The following COL4A1 variants were observed in gnomAD, a reference collection of about 807,000 sequenced individuals.
COL4A1 encodes collagen alpha-1(IV) chain.
Under a neutral mutation model 216.6 loss-of-function variants are expected in COL4A1, and 40 were observed. The ratio of observed to expected loss-of-function variants is 0.18; its 90% CI spans 0.14 to 0.24. COL4A1 has a LOEUF of 0.24. Among genes scored for constraint, COL4A1 ranks in the 10% least tolerant of loss-of-function variants. COL4A1 has a pLI of 1.00. For synonymous variants in COL4A1, 839 were observed against 810.7 expected (o/e 1.03, Z -0.59); for missense variants, 1,628 against 2,196.8 (o/e 0.74, Z 5.18).
At chr13:110,229,474 A>T (rs1022260351) in intron 2 of COL4A1, among the ~76,000 whole-genome samples, 1 of 152,160 alleles carries the variant, frequency 6.6e-6, no homozygotes, top group African/African-American at 2.4e-5. Flanking sequence ...GCTGGGATGC[A>T]TTTTGTCGCC....
intron 1 of COL4A1, among the ~76,000 whole-genome samples, chr13:110,291,069 C>A (rs1884067183): frequency 6.6e-6 from 1 of 152,198 alleles, no homozygotes; most frequent in Non-Finnish European, 1.5e-5. Context: ...GAGTGTCCTG[C>A]CCGCCCCTCT....
rs73611449 is a variant in COL4A1 at position 110,191,963 on chromosome 13, G to A, written c.1536+251C>T. 0.015 allele frequency among the ~76,000 whole-genome samples: 2,268 copies of A among 152,290 alleles called. 56 individuals carry two copies. The highest frequency in any genetic ancestry group is 0.051 in the African/African-American group (2,134 of 41,544). ...ATTCAGCCACACCTGAACACAGGTCGGCAGCAGCCGAAAAAATGTTGACCA... is the reference window on the plus strand; with the variant it reads ...ATTCAGCCACACCTGAACACAGGTCAGCAGCAGCCGAAAAAATGTTGACCA... On this transcript the variant is annotated intron_variant, in intron 24 of 51. Coordinates refer to ENST00000375820, the MANE Select transcript of COL4A1 (RefSeq NM_001845.6).
At chr13:110,176,592 T>C in intron 35 of COL4A1, 34 bp downstream of exon 35, 1 of 1,603,056 alleles carries the variant, frequency 6.2e-7, no homozygotes, top group South Asian at 1.1e-5. Context: ...TCCTGAGCCC[T>C]TGCCACACTG....
intron 26 of COL4A1, 73 bp downstream of exon 26, chr13:110,186,312 G>A (rs1353075780): frequency 1.7e-5 from 27 of 1,592,572 alleles, no homozygotes; most frequent in Non-Finnish European, 2.3e-5. Flanking sequence ...CCAGGCCTCT[G>A]TGTGCACCCG....
intron 37 of COL4A1, among the ~76,000 whole-genome samples, 191 bp downstream of exon 37, chr13:110,175,027 C>T (rs147765486): frequency 7.2e-5 from 11 of 152,324 alleles, no homozygotes; most frequent in African/African-American, 1.2e-4. Flanking sequence ...TAGCCTCTCA[C>T]CAGTCTCTAG....
Position 110,152,690 on chromosome 13 carries a change from C to A in COL4A1, c.4756-184G>T, listed in dbSNP as rs552170022. On this transcript the variant is annotated intron_variant, in intron 50 of 51. Coordinates refer to ENST00000375820, the MANE Select transcript of COL4A1 (RefSeq NM_001845.6). ...GGGCTGGCCCGCAAGCCAGTGCCTGCATGGCTGGGGCCCCATGGTGCTCAG... is the reference window on the plus strand; with the variant it reads ...GGGCTGGCCCGCAAGCCAGTGCCTGAATGGCTGGGGCCCCATGGTGCTCAG... Among the ~76,000 whole-genome samples the A allele has an allele frequency of 3.5e-3, 539 of 152,380 alleles. 6 individuals are homozygous for A. The highest frequency in any genetic ancestry group is 0.013 in the African/African-American group (524 of 41,592).
intron 1 of COL4A1, among the ~76,000 whole-genome samples, chr13:110,253,669 G>A (rs561795242): frequency 5.9e-4 from 80 of 135,634 alleles, no homozygotes; most frequent in Admixed American, 5.3e-3. Context: ...AATTATATGT[G>A]TATGTATGTA....
rs542472655 is a variant in COL4A1 at position 110,173,928 on chromosome 13, C to A, written c.3477G>T (p.Pro1159=). 6.2e-7 allele frequency: 1 copy of A among 1,614,056 alleles called. No homozygotes were observed. ...QKGEPGSDGI[P]GSAGEKGEPG... ...GTTCACCCTTCTCTCCTGCTGACCC[C>A]GGGATTCCATCACTGCCTGGCTCCC... The change falls in exon 40 of 52, where the codon CCG becomes CCT. Residue 1159 remains proline, a synonymous_variant. Coordinates refer to ENST00000375820, the MANE Select transcript of COL4A1 (RefSeq NM_001845.6).
At chr13:110,214,689 G>T (rs1879984156) in intron 2 of COL4A1, among the ~76,000 whole-genome samples, 1 of 152,140 alleles carries the variant, frequency 6.6e-6, no homozygotes, top group Non-Finnish European at 1.5e-5. Context: ...CAGATTCAGG[G>T]ACTTGTACCA....
At chr13:110,163,654 G>T in intron 46 of COL4A1, 93 bp from the exon 47 acceptor site, 2 of 1,237,994 alleles carry the variant, frequency 1.6e-6, no homozygotes, top group Non-Finnish European at 2.3e-6. Context: ...TGTTCAAGGA[G>T]CCAAGCATAA....
intron 1 of COL4A1, among the ~76,000 whole-genome samples, chr13:110,262,037 C>T (rs924948922): frequency 2.0e-5 from 3 of 152,224 alleles, no homozygotes; most frequent in Non-Finnish European, 4.4e-5. Flanking sequence ...GCAGGAGGCC[C>T]ATGCTTCCAT....
intron 2 of COL4A1, among the ~76,000 whole-genome samples, chr13:110,228,237 C>CT (rs1325156253): frequency 1.7e-5 from 2 of 118,998 alleles, no homozygotes; most frequent in Admixed American, 1.6e-4. Flanking sequence ...GGTGCGGGGG[C>CT]GGGGGGGGGG....
At chr13:110,305,738 A>C (rs1884669643) in intron 1 of COL4A1, 1 of 152,238 alleles carries the variant, frequency 6.6e-6, no homozygotes, top group South Asian at 2.1e-4. Context: ...CCCAGTGGAG[A>C]AGCTGCCTCC....
rs1225198341 is a variant in COL4A1, at chr13:110,176,323, G to C, written c.3058+101C>G. The C allele has an allele frequency of 6.0e-6, 5 of 827,704 alleles. No individual in the cohort carries two copies. The Admixed American group carries it at 8.8e-5, about 15-fold the overall frequency. 51.3% of individuals were successfully genotyped at this position (827,704 alleles called of 1,614,324 possible). A position where few individuals can be genotyped will look rare whatever the true frequency, so the allele number is the denominator to read the frequency against. On this transcript the variant is annotated intron_variant, in intron 36 of 51. Coordinates refer to ENST00000375820, the MANE Select transcript of COL4A1 (RefSeq NM_001845.6). Reference sequence around the variant, plus strand: ...TTCATGTGAAAGACACACGTGCCTGGATTCTGTCCGTCTCAGCTGAAGAGG... The same window carrying C: ...TTCATGTGAAAGACACACGTGCCTGCATTCTGTCCGTCTCAGCTGAAGAGG...
In COL4A1 at chr13:110,201,301, C is replaced by CGGAGGAAGAGAAGGAGGGGGA. The variant is rs755546544; in HGVS notation, c.1084+116_1084+136dup. 1.7e-3 allele frequency: 731 copies of CGGAGGAAGAGAAGGAGGGGGA among 426,896 alleles called. 19 individuals are homozygous for CGGAGGAAGAGAAGGAGGGGGA. Among genetic ancestry groups the CGGAGGAAGAGAAGGAGGGGGA allele is most frequent in the South Asian group, 6.7e-3 (312 of 46,520 alleles). 26.4% of individuals were successfully genotyped at this position (426,896 alleles called of 1,614,324 possible). The stretch of plus-strand genomic sequence containing the variant: ...GGGGAGGAGGAAGAGAAGGAGGGGG[C>CGGAGGAAGAGAAGGAGGGGGA]GGAGGAAGAGAAGGAGGGGGAGGAG... On this transcript the variant is annotated intron_variant, in intron 19 of 51. Transcript: ENST00000375820.
chr13:110,295,941 T>G (rs957304123), intron 1 of COL4A1, among the ~76,000 whole-genome samples: 11 of 152,246 alleles, frequency 7.2e-5, no homozygotes, highest in Admixed American at 5.9e-4. Flanking sequence ...TGAGCTGCTG[T>G]GGGCAGCTGT....
At chr13:110,243,179 G>A (rs540112607) in intron 1 of COL4A1, among the ~76,000 whole-genome samples, 16 of 143,408 alleles carry the variant, frequency 1.1e-4, no homozygotes, top group South Asian at 4.4e-4. Flanking sequence ...ACACACGGCC[G>A]CGCAAAAAAA....
chr13:110,241,959 G>A (rs1881587749), intron 2 of COL4A1, among the ~76,000 whole-genome samples: 1 of 152,202 alleles, frequency 6.6e-6, no homozygotes, highest in Non-Finnish European at 1.5e-5. Flanking sequence ...CAAAGGCTGA[G>A]TGGCTTAAGG....
chr13:110,230,849 CG>C (rs1220932324), intron 2 of COL4A1, among the ~76,000 whole-genome samples: 2 of 152,200 alleles, frequency 1.3e-5, no homozygotes, highest in Non-Finnish European at 2.9e-5. Flanking sequence ...TCCAGCCGCC[CG>C]GAACCTCTGC....
Sources: gnomAD v4.1 joint callset for allele counts (sites outside exome capture counted in the v4.1 genomes callset) on GRCh38, gnomAD v4.1.1 for gene constraint, MANE v1.5 for transcripts, NCBI Gene and HGNC (gene_info 2026-07-23, HGNC 2026-07-21) for gene names.